RARB: variants seen among roughly 807,000 people sequenced by gnomAD.
RARB encodes retinoic acid receptor beta, also known as HBV-activated protein.
A neutral mutation model predicts 51.9 loss-of-function variants in RARB; 17 were observed. The ratio of observed to expected loss-of-function variants is 0.33; its 90% CI spans 0.22 to 0.49. The LOEUF is 0.49. RARB is among the 20% of genes least tolerant of loss of function. The pLI is 0.99. For synonymous variants in RARB, 215 were observed against 195.4 expected (o/e 1.10, Z -0.84); for missense variants, 369 against 550.8 (o/e 0.67, Z 3.30).
intron 3 of RARB, among the ~76,000 whole-genome samples, chr3:25,539,416 C>T (rs182334326): frequency 7.2e-5 from 11 of 151,942 alleles, no homozygotes; most frequent in Admixed American, 5.9e-4. Context: ...CCTTCTGAAA[C>T]GTCTTCCTCT....
chr3:25,354,542 C>T (rs1335250896), intron 5 of RARB, among the ~76,000 whole-genome samples: 1 of 152,050 alleles, frequency 6.6e-6, no homozygotes, highest in Non-Finnish European at 1.5e-5. Context: ...GAATACCTTC[C>T]CATGGTACAA....
Position 25,132,798 on chromosome 3 carries a change from CAAT to C in RARB, c.-280+591_-280+593del, listed in dbSNP as rs1164023100. Among the ~76,000 whole-genome samples, 3 of 151,902 alleles carry C rather than the reference CAAT, an allele frequency of 2.0e-5. No homozygotes were observed. The East Asian group carries it at 5.8e-4, about 29-fold the overall frequency. ...TAATTAGCCTGACTCCATGATTCCA[CAAT>C]GTGTATATGTATCAAAACATCATAT... is the stretch of plus-strand genomic sequence containing the variant. On this transcript the variant is annotated intron_variant, in intron 4 of 11. Transcript: ENST00000383772.
intron 3 of RARB, among the ~76,000 whole-genome samples, chr3:25,112,114 AAC>A (rs1386895979): frequency 6.6e-6 from 1 of 152,204 alleles, no homozygotes; most frequent in Admixed American, 6.5e-5. Context: ...TAAATAAAAG[AAC>A]AGACTCTTGT....
chr3:25,086,816 G>A (rs1699113519), intron 3 of RARB, among the ~76,000 whole-genome samples: 1 of 152,102 alleles, frequency 6.6e-6, no homozygotes, highest in East Asian at 1.9e-4. Flanking sequence ...TCTGGGTTAA[G>A]ATAAGGGACC....
intron 4 of RARB, among the ~76,000 whole-genome samples, chr3:25,141,786 C>G (rs1197411976): frequency 6.6e-6 from 1 of 152,058 alleles, no homozygotes; most frequent in Non-Finnish European, 1.5e-5. Context: ...TTTGGTAAAT[C>G]TAGATTTTAA....
intron 2 of RARB, among the ~76,000 whole-genome samples, chr3:25,494,186 A>G (rs1028123583): frequency 1.3e-5 from 2 of 148,848 alleles, no homozygotes; most frequent in African/African-American, 5.0e-5. Context: ...TCTCTAGTAA[A>G]CACTTTGCAT....
chr3:25,385,885 C>T (rs1439828846), intron 5 of RARB, among the ~76,000 whole-genome samples: 1 of 152,186 alleles, frequency 6.6e-6, no homozygotes, highest in Non-Finnish European at 1.5e-5. Flanking sequence ...TCAGAACTCT[C>T]ACAGATACAC....
chr3:25,202,102 T>C (rs1426650724), intron 5 of RARB, among the ~76,000 whole-genome samples: 3 of 152,150 alleles, frequency 2.0e-5, no homozygotes, highest in Non-Finnish European at 4.4e-5. Flanking sequence ...ATTATTGCCT[T>C]AATTTCAGAT....
intron 5 of RARB, among the ~76,000 whole-genome samples, chr3:25,223,406 C>T (rs929543055): frequency 1.3e-5 from 2 of 152,102 alleles, no homozygotes; most frequent in Admixed American, 1.3e-4. Context: ...GAAGAAATAT[C>T]CATATGAATT....
upstream of RARB, among the ~76,000 whole-genome samples, chr3:25,424,757 C>T (rs988996868): frequency 2.0e-4 from 31 of 152,066 alleles, no homozygotes; most frequent in African/African-American, 7.0e-4. Context: ...TGAACACAGC[C>T]GGCTGCAGTA....
At chr3:25,220,161 T>C (rs191652823) in intron 5 of RARB, among the ~76,000 whole-genome samples, 9 of 152,318 alleles carry the variant, frequency 5.9e-5, no homozygotes, top group Admixed American at 5.9e-4. Context: ...CTTTGGACTA[T>C]TTCATTGCTA....
chr3:24,870,879 G>T (rs892897644), intron 2 of RARB, among the ~76,000 whole-genome samples: 1 of 152,016 alleles, frequency 6.6e-6, no homozygotes, highest in Non-Finnish European at 1.5e-5. Context: ...AACTCTTTGG[G>T]TAAAGAACAT....
intron 3 of RARB, among the ~76,000 whole-genome samples, chr3:25,083,441 ATTT>A (rs35576762): frequency 0.015 from 2,243 of 151,502 alleles, 61 homozygotes; most frequent in East Asian, 0.063. Context: ...TCATCCAGTG[ATTT>A]TTTTTTTTCC....
chr3:24,998,086 C>G (rs1697080671), intron 2 of RARB, among the ~76,000 whole-genome samples: 1 of 152,074 alleles, frequency 6.6e-6, no homozygotes, highest in African/African-American at 2.4e-5. Flanking sequence ...AGATGTTTTA[C>G]TTGCTTTTCA....
intron 1 of RARB, chr3:25,441,334 G>A: frequency 2.7e-6 from 1 of 372,302 alleles, no homozygotes; most frequent in Non-Finnish European, 5.3e-6. Flanking sequence ...ACCACATATT[G>A]GAAGGGAAGT....
intron 2 of RARB, among the ~76,000 whole-genome samples, chr3:25,059,749 T>C (rs1004254355): frequency 1.4e-4 from 21 of 151,818 alleles, no homozygotes; most frequent in African/African-American, 4.3e-4. Context: ...CAAAACCTCC[T>C]ATTTAAAAAA....
intron 2 of RARB, among the ~76,000 whole-genome samples, chr3:24,947,516 A>G (rs182098286): frequency 6.6e-6 from 1 of 152,246 alleles, no homozygotes; most frequent in African/African-American, 2.4e-5. Context: ...CTGTGAGCCA[A>G]CGTCTCTTCC....
At chr3:25,267,055 C>G (rs571309173) in intron 5 of RARB, among the ~76,000 whole-genome samples, 5 of 152,194 alleles carry the variant, frequency 3.3e-5, no homozygotes, top group African/African-American at 7.2e-5. Flanking sequence ...GTGATTCTGA[C>G]CCCTTCCCTG....
At chr3:25,337,376 T>C (rs1705094636) in intron 5 of RARB, among the ~76,000 whole-genome samples, 1 of 152,202 alleles carries the variant, frequency 6.6e-6, no homozygotes, top group Non-Finnish European at 1.5e-5. Flanking sequence ...TCTTAGTAAT[T>C]CAGAGAGAAT....
Sources: gnomAD v4.1 joint callset for allele counts (sites outside exome capture counted in the v4.1 genomes callset) on GRCh38, gnomAD v4.1.1 for gene constraint, MANE v1.5 for transcripts, NCBI Gene and HGNC (gene_info 2026-07-23, HGNC 2026-07-21) for gene names.